Variants in CELA2A observed in about 807,000 individuals in gnomAD.
CELA2A encodes chymotrypsin-like elastase family member 2A.
A neutral mutation model predicts 35.3 loss-of-function variants in CELA2A; 31 were observed. That is an observed-to-expected ratio of 0.88 (90% CI 0.66 to 1.19). The LOEUF is 1.19. CELA2A is among the 50% of genes most tolerant of loss of function. The pLI is 0.00. For synonymous variants in CELA2A, 150 were observed against 149.8 expected (o/e 1.00, Z -0.01); for missense variants, 330 against 352.9 (o/e 0.94, Z 0.52).
Position 15,466,330 on chromosome 1 carries a change from G to A in CELA2A, c.639+186G>A, listed in dbSNP as rs539578444. Among the ~76,000 whole-genome samples, 63 of 152,160 alleles carry A rather than the reference G, an allele frequency of 4.1e-4. 1 individual carries two copies. The highest frequency in any genetic ancestry group is 6.5e-5 in the Admixed American group (1 of 15,286). On this transcript the variant is annotated intron_variant, in intron 6 of 7. Coordinates refer to ENST00000359621, the MANE Select transcript of CELA2A (RefSeq NM_033440.3). ...GTAATCCCAGCACTTTGAGAGGCCA[G>A]GCGGGCAGACCACTTGAGGTCAGCA...
rs751605320 is a variant in CELA2A, at chr1:15,466,004, G to A, written c.499G>A (p.Gly167Arg). ...TTCTCTCTGATCTCATTCAGCCAAC[G>A]GGGCTGTTCCTGATGTCCTGCAGCA... is the stretch of plus-strand genomic sequence containing the variant. ...VTGWGRLQTN[G>R]AVPDVLQQGR... The change falls in exon 6 of 8, where the codon GGG becomes AGG. Residue 167 changes from glycine to arginine, a missense_variant. Transcript: ENST00000359621. The A allele has an allele frequency of 4.3e-6, 7 of 1,613,984 alleles. 1 individual carries two copies. Among genetic ancestry groups the A allele is most frequent in the Admixed American group, 1.7e-5 (1 of 59,978 alleles).
chr1:15,470,064 G>C (rs1392870353), intron 7 of CELA2A, among the ~76,000 whole-genome samples: 1 of 152,214 alleles, frequency 6.6e-6, no homozygotes, highest in African/African-American at 2.4e-5. Flanking sequence ...GCCTCGCAAG[G>C]CAGCTGGGCA....
intron 7 of CELA2A, among the ~76,000 whole-genome samples, chr1:15,470,374 G>A (rs1047378260): frequency 6.6e-6 from 1 of 152,092 alleles, no homozygotes; most frequent in Non-Finnish European, 1.5e-5. Context: ...GGAGACAAGT[G>A]GCCTGGGGCA....
rs33976415 is a variant in CELA2A at position 15,460,309 on chromosome 1, T to TG, written c.130-1242dup. On this transcript the variant is annotated intron_variant, in intron 2 of 7. Transcript: ENST00000359621. ...CGATGGTTTCAGCACATTTTTAAAT[T>TG]GGGGGGGGGGTACATCCTTTTAAGT... 2.3e-3 allele frequency among the ~76,000 whole-genome samples: 349 copies of TG among 151,698 alleles called. 1 individual carries two copies. Among genetic ancestry groups the TG allele is most frequent in the African/African-American group, 7.7e-3 (317 of 41,226 alleles).
At chr1:15,460,941 T>A (rs1159228484) in intron 2 of CELA2A, among the ~76,000 whole-genome samples, 4 of 152,142 alleles carry the variant, frequency 2.6e-5, no homozygotes, top group Non-Finnish European at 5.9e-5. Flanking sequence ...GGAAAGAGGT[T>A]TAACTGACTC....
intron 4 of CELA2A, 142 bp from the exon 5 acceptor site, chr1:15,463,244 A>G: frequency 7.5e-7 from 1 of 1,333,270 alleles, no homozygotes; most frequent in Non-Finnish European, 1.0e-6. Context: ...CTGCATTTTC[A>G]AACATGCCCT....
At chr1:15,465,954 C>T (rs1289030595) in intron 5 of CELA2A, 45 bp from the exon 6 acceptor site, 4 of 1,607,984 alleles carry the variant, frequency 2.5e-6, no homozygotes, top group Admixed American at 3.4e-5. Flanking sequence ...TCCTTTTTCT[C>T]AGGAGTCCCT....
chr1:15,461,426 T>C, intron 2 of CELA2A, 135 bp from the exon 3 acceptor site: 1 of 808,862 alleles, frequency 1.2e-6, no homozygotes, highest in Non-Finnish European at 2.0e-6. Flanking sequence ...TTTTGGGTGC[T>C]GCCTTAAGTT....
At chr1:15,470,673 C>A (rs1466089736) in intron 7 of CELA2A, among the ~76,000 whole-genome samples, 1 of 152,186 alleles carries the variant, frequency 6.6e-6, no homozygotes, top group Non-Finnish European at 1.5e-5. Context: ...CTCCACCTCC[C>A]GGGTTCAAGC....
chr1:15,464,470 G>A (rs144339317), intron 5 of CELA2A, among the ~76,000 whole-genome samples: 145 of 152,280 alleles, frequency 9.5e-4, no homozygotes, highest in African/African-American at 3.3e-3. Flanking sequence ...ATTCTAGGAA[G>A]GGATGAGTAA....
intron 5 of CELA2A, 129 bp from the exon 6 acceptor site, chr1:15,465,870 G>T: frequency 3.6e-6 from 4 of 1,111,590 alleles, no homozygotes; most frequent in Non-Finnish European, 5.3e-6. Context: ...ACACAGTATA[G>T]ACAAACGTGG....
At chr1:15,459,686 A>C (rs1176779389) in intron 2 of CELA2A, among the ~76,000 whole-genome samples, 1 of 152,146 alleles carries the variant, frequency 6.6e-6, no homozygotes, top group Non-Finnish European at 1.5e-5. Flanking sequence ...AGAACCAGTG[A>C]ATGTTAATCC....
In CELA2A at chr1:15,461,715, C is replaced by A. The variant is rs1708437769; in HGVS notation, c.227+57C>A. 3 of 1,602,958 alleles carry A rather than the reference C, an allele frequency of 1.9e-6. No individual in the cohort carries two copies. The South Asian group carries it at 3.3e-5, about 18-fold the overall frequency. On this transcript the variant is annotated intron_variant, in intron 3 of 7. Transcript: ENST00000359621. ...TCACCAGCTGGTGCTCATTTCTGAG[C>A]TGGGGGCTCAAATGGCCTGAACCAT...
intron 7 of CELA2A, among the ~76,000 whole-genome samples, chr1:15,469,300 C>G (rs1453909439): frequency 6.6e-6 from 1 of 152,160 alleles, no homozygotes; most frequent in Non-Finnish European, 1.5e-5. Flanking sequence ...GGGACCAGCT[C>G]AGTTTGCTCT....
At chr1:15,461,453 T>C (rs1308526946) in intron 2 of CELA2A, 108 bp from the exon 3 acceptor site, 4 of 1,152,550 alleles carry the variant, frequency 3.5e-6, no homozygotes, top group African/African-American at 1.5e-5. Flanking sequence ...ATGAGGCGAC[T>C]GCCTCACTCC....
chr1:15,462,866 G>C lies in CELA2A; in HGVS notation c.356+5G>C, dbSNP rs371892099. On this transcript the variant is annotated splice_donor_5th_base_variant and intron_variant, in intron 4 of 7. Coordinates refer to ENST00000359621, the MANE Select transcript of CELA2A (RefSeq NM_033440.3). ...CTCCAACCAAATCTCCAAAGGGTTC[G>C]TTTCTGTCTGGGTGCACTTGGGGGT... 1.3e-5 allele frequency: 21 copies of C among 1,613,992 alleles called. 1 individual carries two copies. The highest frequency in any genetic ancestry group is 5.0e-5 in the Admixed American group (3 of 60,006).
intron 4 of CELA2A, chr1:15,463,127 C>T (rs1708462796): frequency 2.8e-6 from 2 of 710,548 alleles, no homozygotes; most frequent in South Asian, 3.8e-5. Context: ...GAGCATGTAT[C>T]TACTTCATGC....
intron 5 of CELA2A, among the ~76,000 whole-genome samples, chr1:15,465,669 C>T (rs1223697085): frequency 6.6e-6 from 1 of 152,218 alleles, no homozygotes; most frequent in Non-Finnish European, 1.5e-5. Context: ...AACCCTCCCT[C>T]AGAATTTCTG....
In CELA2A at chr1:15,463,418, C is replaced by T. The variant is rs1708467178; in HGVS notation, c.389C>T (p.Pro130Leu). The T allele has an allele frequency of 2.5e-6, 4 of 1,613,920 alleles. No homozygotes were observed. Among genetic ancestry groups the T allele is most frequent in the Middle Eastern group, 3.3e-4 (2 of 5,990 alleles). Reference sequence around the variant, plus strand: ...ATTGCCCTGCTCAAACTGGCTAACCCCGTCTCCCTCACCGACAAGATCCAG... The same window carrying T: ...ATTGCCCTGCTCAAACTGGCTAACCTCGTCTCCCTCACCGACAAGATCCAG... ...NDIALLKLAN[P>L]VSLTDKIQLA... is the part of the protein sequence containing the mutation. Residue 130 changes from proline (P) to leucine (L), a missense_variant, in exon 5 of 8, where the codon CCC becomes CTC. Transcript: ENST00000359621.
Sources: gnomAD v4.1 joint callset for allele counts (sites outside exome capture counted in the v4.1 genomes callset) on GRCh38, gnomAD v4.1.1 for gene constraint, MANE v1.5 for transcripts, NCBI Gene and HGNC (gene_info 2026-07-23, HGNC 2026-07-21) for gene names.